ANO7: variants seen among roughly 807,000 people sequenced by gnomAD.
The protein encoded by ANO7 is anoctamin 7.
ANO7 carries 114 observed loss-of-function variants against 115.8 expected under a neutral mutation model. The observed-to-expected ratio is 0.98, with a 90% confidence interval of 0.85 to 1.15. The LOEUF (loss-of-function observed/expected upper bound fraction) is 1.15. Among genes scored for constraint, ANO7 ranks in the 50% most tolerant of loss-of-function variants. ANO7 has a pLI of 0.00. For missense variants in ANO7, 1,302 were observed against 1,201.2 expected (o/e 1.08, Z -1.24); for synonymous variants, 550 against 498.2 (o/e 1.10, Z -1.38).
downstream of ANO7, among the ~76,000 whole-genome samples, chr2:241,230,466 A>G (rs892065646): frequency 6.6e-5 from 10 of 152,256 alleles, no homozygotes; most frequent in African/African-American, 2.4e-4. The surrounding 1 kb of genome is among the most constrained non-coding windows in gnomAD (Gnocchi z 5.0). Context: ...CCCAGCAGAC[A>G]GAGGGCCGCA....
Position 241,188,730 on chromosome 2 carries a change from T to C in ANO7, c.-44T>C, listed in dbSNP as rs2068115410. On this transcript the variant is annotated 5_prime_UTR_variant, in exon 1 of 25. It removes an upstream start codon present in the reference 5' UTR. Coordinates refer to ENST00000674324, the MANE Select transcript of ANO7 (RefSeq NM_001370694.2). The surrounding 1 kb of genome is among the most constrained non-coding windows in gnomAD (Gnocchi z 4.3). Reference sequence around the variant, plus strand: ...CAGGCTCACGCTGAGAGGTGGGCCATGACCTCCGAGACCTCTTCCGGAAGC... The same window carrying C: ...CAGGCTCACGCTGAGAGGTGGGCCACGACCTCCGAGACCTCTTCCGGAAGC... The C allele has an allele frequency of 6.2e-7, 1 of 1,613,428 alleles. No homozygotes were observed. The highest frequency in any genetic ancestry group is 8.5e-7 in the Non-Finnish European group (1 of 1,179,860).
rs777497729 is a variant in ANO7 at position 241,210,507 on chromosome 2, C to T, written c.1498C>T (p.Leu500Phe). Residue 500 changes from leucine (L) to phenylalanine (F), a missense_variant, in exon 15 of 25, where the codon CTC becomes TTC. Physicochemically the swap from Leu to Phe is conservative, Grantham distance 22. Coordinates refer to ENST00000674324, the MANE Select transcript of ANO7 (RefSeq NM_001370694.2). ...CAGCCTCACGGGGTCTGTAGTGAAC[C>T]TCGTCTTCATCCTCATCCTCTCCAA... ...IASLTGSVVN[L>F]VFILILSKIY... is the part of the protein sequence containing the mutation. The T allele has an allele frequency of 2.0e-5, 32 of 1,614,094 alleles. No homozygotes were observed. Among genetic ancestry groups the T allele is most frequent in the Admixed American group, 1.8e-4 (11 of 60,034 alleles).
chr2:241,236,560 G>A, the ANO7 span: 1 of 1,585,878 alleles, frequency 6.3e-7, no homozygotes, highest in South Asian at 1.1e-5. Flanking sequence ...CGTCTCCCCA[G>A]GTGCCTGCTG....
At chr2:241,235,374 G>C in the ANO7 span, 1 of 1,507,288 alleles carries the variant, frequency 6.6e-7, no homozygotes, top group East Asian at 2.3e-5. Context: ...GGAAGTCAGT[G>C]CCCAGTCCGA....
chr2:241,199,504 C>A, intron 5 of ANO7, 81 bp downstream of exon 5: 1 of 1,391,816 alleles, frequency 7.2e-7, no homozygotes, highest in Non-Finnish European at 1.0e-6. Flanking sequence ...TGCCGACAGC[C>A]TCAGGAGGGC....
intron 18 of ANO7, 60 bp downstream of exon 18, chr2:241,214,962 GC>G: frequency 6.8e-7 from 1 of 1,479,048 alleles, no homozygotes; most frequent in South Asian, 1.2e-5. Context: ...AGAGCACCTG[GC>G]AGTAGCAGCC....
chr2:241,193,194 C>T (rs1448192481), intron 3 of ANO7, among the ~76,000 whole-genome samples: 2 of 151,940 alleles, frequency 1.3e-5, no homozygotes, highest in African/African-American at 4.8e-5. Context: ...CTCAGCCTCC[C>T]GAGTAGCTGG....
intron 5 of ANO7, among the ~76,000 whole-genome samples, chr2:241,199,709 C>CA (rs2068425183): frequency 6.6e-6 from 1 of 152,240 alleles, no homozygotes; most frequent in Non-Finnish European, 1.5e-5. Flanking sequence ...GCTGAGGGCC[C>CA]TGCCTATGAA....
downstream of ANO7, chr2:241,229,937 C>G (rs527489432): frequency 1.1e-5 from 17 of 1,604,008 alleles, no homozygotes; most frequent in Non-Finnish European, 1.4e-5. Flanking sequence ...ACCTGCAGCG[C>G]CTCACTGTCC....
chr2:241,199,268 G>A (rs770720230), intron 4 of ANO7, 48 bp from the exon 5 acceptor site: 23 of 1,505,620 alleles, frequency 1.5e-5, no homozygotes, highest in Admixed American at 3.3e-5. Context: ...ATGTGCATAC[G>A]TGCACACATG....
In ANO7 at chr2:241,224,646, A is replaced by T. The variant is rs140025780; in HGVS notation, c.*493A>T. 3.8e-5 allele frequency: 6 copies of T among 159,738 alleles called. No individual in the cohort carries two copies. Among genetic ancestry groups the T allele is most frequent in the African/African-American group, 1.5e-4 (6 of 41,342 alleles). The allele number at this position is 159,738 out of a possible 1,614,324, so 9.9% of individuals were successfully genotyped here. A position where few individuals can be genotyped will look rare whatever the true frequency, so the allele number is the denominator to read the frequency against. On this transcript the variant is annotated 3_prime_UTR_variant, in exon 25 of 25. Transcript: ENST00000674324. ...CGCAGGGACATCACCCACATGCCCC[A>T]GCTCTCGGACCCTGCAGCTCTGTGT...
rs769974439 is a variant in ANO7, at chr2:241,217,766, G to T, written c.2053G>T (p.Glu685Ter). The change falls in exon 20 of 25, where the codon GAG becomes TAG. Residue 685 changes from glutamate (E) to a stop codon, truncating the protein, a stop_gained. Transcript: ENST00000674324. LOFTEE classifies it high-confidence loss of function. ...PLFALLNNWV[E>*]IRLDARKFVC... The stretch of plus-strand genomic sequence containing the variant: ...CTTCGCCCTGCTCAACAACTGGGTG[G>T]AGATCCGCTTGGACGCGCGCAAGTT... 1 of 1,609,102 alleles carries T rather than the reference G, an allele frequency of 6.2e-7. No homozygotes were observed. The highest frequency in any genetic ancestry group is 8.5e-7 in the Non-Finnish European group (1 of 1,178,412).
downstream of ANO7, among the ~76,000 whole-genome samples, chr2:241,230,593 G>A (rs992725882): frequency 4.1e-4 from 63 of 152,218 alleles, no homozygotes; most frequent in African/African-American, 1.4e-3. This position sits in a 1 kb window ranked among gnomAD's most constrained non-coding sequence, Gnocchi z 5.0. Context: ...CACACAGGCC[G>A]TCGCCTGCAC....
At chr2:241,223,558 C>A in intron 22 of ANO7, 104 bp from the exon 23 acceptor site, 1 of 1,516,980 alleles carries the variant, frequency 6.6e-7, no homozygotes, top group Non-Finnish European at 8.9e-7. Flanking sequence ...TGCTTTCTGA[C>A]TCCACCCACA....
rs777157599 is a variant in ANO7, at chr2:241,212,196, T to TC, written c.1665dup (p.Lys556GlnfsTer20). On this transcript the variant is annotated frameshift_variant, in exon 16 of 25. Coordinates refer to ENST00000674324, the MANE Select transcript of ANO7 (RefSeq NM_001370694.2). LOFTEE classifies it high-confidence loss of function. ...TCCTCACCCGTCTACATTGCCTTCT[T>TC]CAAGGGCAGGTTGGTGGGCACCTCT... is the stretch of plus-strand genomic sequence containing the variant. 6.2e-7 allele frequency: 1 copy of TC among 1,613,724 alleles called. No homozygotes were observed. Among genetic ancestry groups the TC allele is most frequent in the Admixed American group, 1.7e-5 (1 of 60,026 alleles).
At position 241,199,347 on chromosome 2, in the gene ANO7, A is replaced by C; in HGVS notation, c.341A>C (p.His114Pro). The change falls in exon 5 of 25, where the codon CAC (histidine) becomes CCC (proline). Residue 114 changes from histidine (H) to proline (P), a missense_variant. Physicochemically the swap from His to Pro is moderately conservative, Grantham distance 77. Transcript: ENST00000674324. Reference sequence around the variant, plus strand: ...GTCCAGGACGGGAACACCACAGTGCACTACGCCCTCCTCAGCGCCTCCTGG... The same window carrying C: ...GTCCAGGACGGGAACACCACAGTGCCCTACGCCCTCCTCAGCGCCTCCTGG... ...QDVQDGNTTV[H>P]YALLSASWAV... The C allele has an allele frequency of 6.2e-7, 1 of 1,613,674 alleles. No homozygotes were observed. The highest frequency in any genetic ancestry group is 8.5e-7 in the Non-Finnish European group (1 of 1,179,992).
chr2:241,231,107 G>A, the ANO7 span: 16 of 633,560 alleles, frequency 2.5e-5, no homozygotes, highest in Admixed American at 1.1e-4. Flanking sequence ...ACTCAGGGCC[G>A]GGCACGGTGG....
At chr2:241,197,433 C>T (rs919128817) in intron 4 of ANO7, among the ~76,000 whole-genome samples, 2 of 151,954 alleles carry the variant, frequency 1.3e-5, no homozygotes, top group Non-Finnish European at 2.9e-5. Flanking sequence ...TTGCCCTGGC[C>T]GGAGTGCAGT....
chr2:241,199,943 G>T (rs2068430252), intron 5 of ANO7, 146 bp from the exon 6 acceptor site: 2 of 884,596 alleles, frequency 2.3e-6, no homozygotes, highest in Non-Finnish European at 3.4e-6. Flanking sequence ...GCTCACCTGG[G>T]CCCTCACAGG....
Sources: allele counts gnomAD v4.1 joint callset (sites outside exome capture counted in the v4.1 genomes callset), GRCh38; gene constraint gnomAD v4.1.1; non-coding constraint Gnocchi (gnomAD v3.1); transcripts MANE v1.5; gene names NCBI Gene and HGNC (gene_info 2026-07-23, HGNC 2026-07-21).